The following ABCC9 variants were observed in gnomAD, a reference collection of about 807,000 sequenced individuals.
The protein encoded by ABCC9 is ATP-binding cassette sub-family C member 9.
In ABCC9, 95 loss-of-function variants were observed where a neutral mutation model predicts 188.3. The observed-to-expected ratio is 0.50, with a 90% CI of 0.43 to 0.60. The LOEUF (loss-of-function observed/expected upper bound fraction) is 0.60, where lower values mean the gene tolerates loss of function less well. Among genes scored for constraint, ABCC9 ranks in the 20% least tolerant of loss-of-function variants. ABCC9 has a pLI of 0.00. For missense variants in ABCC9, 1,102 were observed against 1,876.3 expected, an observed-to-expected ratio of 0.59 and a Z score of 7.62; for synonymous variants, 659 against 652.7, an observed-to-expected ratio of 1.01 and a Z score of -0.15.
In ABCC9 at chr12:21,845,600, T is replaced by C. The variant is rs751828985; in HGVS notation, c.3096+3A>G. The C allele has an allele frequency of 3.7e-6, 6 of 1,612,174 alleles. No individual in the cohort carries two copies. The South Asian group carries it at 5.5e-5, about 15-fold the overall frequency. On this transcript the variant is annotated splice_donor_region_variant and intron_variant, in intron 26 of 39. Coordinates refer to ENST00000261200, the MANE Select transcript of ABCC9 (RefSeq NM_020297.4). ...TTTAAAAACAAAACCGAACCAATTGTACCTGATCAGCTTTTCCAGTATTGT... is the reference window on the plus strand; with the variant it reads ...TTTAAAAACAAAACCGAACCAATTGCACCTGATCAGCTTTTCCAGTATTGT...
chr12:21,802,839 G>T (rs148364878), intron 39 of ABCC9, among the ~76,000 whole-genome samples: 3 of 152,052 alleles, frequency 2.0e-5, no homozygotes, highest in Admixed American at 6.6e-5. Flanking sequence ...CCTACATTCT[G>T]CCCTGGGCCA....
At chr12:21,814,769 C>G (rs773138429) in intron 34 of ABCC9, 47 bp from the exon 35 acceptor site, 1 of 1,506,038 alleles carries the variant, frequency 6.6e-7, no homozygotes, top group Non-Finnish European at 9.2e-7. Context: ...CAGAAAAGGA[C>G]AGAAGATTAG....
intron 21 of ABCC9, among the ~76,000 whole-genome samples, chr12:21,860,681 C>G (rs890152633): frequency 6.6e-6 from 1 of 152,162 alleles, no homozygotes; most frequent in Non-Finnish European, 1.5e-5. Flanking sequence ...GCAAGCTCCA[C>G]GTAAGCAAAA....
intron 14 of ABCC9, among the ~76,000 whole-genome samples, chr12:21,890,878 A>T (rs1431040019): frequency 6.6e-6 from 1 of 152,008 alleles, no homozygotes; most frequent in African/African-American, 2.4e-5. Context: ...CTAAATGACG[A>T]GTTAATGGGT....
Position 21,844,888 on chromosome 12 carries a change from G to A in ABCC9, c.3124C>T (p.Leu1042Phe). The A allele has an allele frequency of 6.2e-7, 1 of 1,613,838 alleles. No homozygotes were observed. ...CAAAGGAAAATGCCTGCTCCACAGAGTATGCTAAAGCCAGCCACATAGTAG... is the reference window on the plus strand; with the variant it reads ...CAAAGGAAAATGCCTGCTCCACAGAATATGCTAAAGCCAGCCACATAGTAG... ...QTYYVAGFSI[L>F]CGAGIFLCLV... The change falls in exon 27 of 40, where the codon CTC becomes TTC. Residue 1042 changes from leucine (L) to phenylalanine (F), a missense_variant. Transcript: ENST00000261200.
chr12:21,863,691 T>C (rs1945642142), intron 19 of ABCC9, among the ~76,000 whole-genome samples: 1 of 152,166 alleles, frequency 6.6e-6, no homozygotes, highest in Middle Eastern at 3.2e-3. Context: ...ACCAGATGTC[T>C]ATACATCAGA....
chr12:21,871,972 T>C (rs1946106941), intron 18 of ABCC9, among the ~76,000 whole-genome samples: 2 of 152,220 alleles, frequency 1.3e-5, no homozygotes, highest in South Asian at 2.1e-4. Context: ...TATTAACCAA[T>C]TATGTAACAT....
At chr12:21,887,682 T>C (rs1226081462) in intron 15 of ABCC9, 144 bp downstream of exon 15, 1 of 675,120 alleles carries the variant, frequency 1.5e-6, no homozygotes, top group Non-Finnish European at 2.7e-6. Context: ...ACTTGTGAGG[T>C]TGTAGAGAAG....
Position 21,872,734 on chromosome 12 carries a change from G to A in ABCC9, c.2093-4C>T, listed in dbSNP as rs750142160. 1 of 1,604,372 alleles carries A rather than the reference G, an allele frequency of 6.2e-7. No individual in the cohort carries two copies. Among genetic ancestry groups the A allele is most frequent in the South Asian group, 1.1e-5 (1 of 90,868 alleles). On this transcript the variant is annotated splice_polypyrimidine_tract_variant and splice_region_variant and intron_variant, in intron 17 of 39. Transcript: ENST00000261200. ...CCCACAATCATGGTTAACTGACCTA[G>A]GAAAGCAAAACAAAGGATAACTACA...
intron 5 of ABCC9, among the ~76,000 whole-genome samples, chr12:21,921,835 T>C (rs1203119677): frequency 6.6e-6 from 1 of 152,094 alleles, no homozygotes; most frequent in African/African-American, 2.4e-5. Context: ...GACTGTCCTT[T>C]CCTCAGTGTA....
At chr12:21,853,915 A>G (rs992830692) in intron 22 of ABCC9, among the ~76,000 whole-genome samples, 1 of 152,174 alleles carries the variant, frequency 6.6e-6, no homozygotes, top group Non-Finnish European at 1.5e-5. Context: ...GAGTTAATGG[A>G]ACAGTGGGAA....
At chr12:21,841,236 A>G (rs1944370116) in intron 29 of ABCC9, among the ~76,000 whole-genome samples, 3 of 151,906 alleles carry the variant, frequency 2.0e-5, no homozygotes. Flanking sequence ...ATTATATTTC[A>G]TTTATTCAAC....
chr12:21,836,091 C>T (rs970289952), intron 30 of ABCC9, among the ~76,000 whole-genome samples: 1 of 152,144 alleles, frequency 6.6e-6, no homozygotes, highest in Non-Finnish European at 1.5e-5. Flanking sequence ...CTTTCTCTCC[C>T]GGTCCTTAGT....
At position 21,845,708 on chromosome 12, in the gene ABCC9, C is replaced by T. The variant is rs1464981490; in HGVS notation, c.2991G>A (p.Met997Ile). ...TSGGFFLLIL[M>I]IFSKLLKHSV... is the part of the protein sequence containing the mutation. Reference sequence around the variant, plus strand: ...AATGCTTCAAAAGCTTAGAGAAAATCATCAGGATGAGCAGGAAGAATCCTC... The same window carrying T: ...AATGCTTCAAAAGCTTAGAGAAAATTATCAGGATGAGCAGGAAGAATCCTC... Residue 997 changes from methionine to isoleucine, a missense_variant, in exon 26 of 40, where the codon ATG (methionine) becomes ATA (isoleucine). Physicochemically the swap from Met to Ile is conservative, Grantham distance 10 (BLOSUM62 1). This residue lies in a region of ABCC9 where 74 missense variants were observed against 132.7 expected (regional missense o/e 0.56). Coordinates refer to ENST00000261200, the MANE Select transcript of ABCC9 (RefSeq NM_020297.4). 3 of 1,613,856 alleles carry T rather than the reference C, an allele frequency of 1.9e-6. No individual in the cohort carries two copies. Among genetic ancestry groups the T allele is most frequent in the East Asian group, 4.5e-5 (2 of 44,856 alleles).
chr12:21,831,055 ATTT>A (rs200013400), intron 30 of ABCC9: 4 of 134,082 alleles, frequency 3.0e-5, no homozygotes, highest in Admixed American at 7.5e-5. Flanking sequence ...CGCAAGGCTC[ATTT>A]TTTTTTTTTT....
intron 31 of ABCC9, among the ~76,000 whole-genome samples, chr12:21,819,942 A>G (rs1435924860): frequency 6.6e-6 from 1 of 152,120 alleles, no homozygotes; most frequent in Non-Finnish European, 1.5e-5. Context: ...CCACACCCCT[A>G]CTAGACTGTT....
intron 36 of ABCC9, among the ~76,000 whole-genome samples, chr12:21,810,490 A>G (rs2137137489): frequency 6.6e-6 from 1 of 152,288 alleles, no homozygotes; most frequent in Middle Eastern, 3.4e-3. Context: ...GAAACTTACA[A>G]TCATGGTAGA....
intron 12 of ABCC9, among the ~76,000 whole-genome samples, chr12:21,901,739 A>G (rs914495626): frequency 2.0e-5 from 3 of 152,238 alleles, no homozygotes; most frequent in African/African-American, 7.2e-5. Flanking sequence ...GGATCAACTC[A>G]ACAAGAAGAG....
intron 21 of ABCC9, among the ~76,000 whole-genome samples, chr12:21,860,409 A>G (rs941211325): frequency 6.6e-6 from 1 of 152,228 alleles, no homozygotes; most frequent in Non-Finnish European, 1.5e-5. Flanking sequence ...GCAGATAACG[A>G]TAACACCCAT....
Sources: gnomAD v4.1 joint callset for allele counts (sites outside exome capture counted in the v4.1 genomes callset) on GRCh38, gnomAD v4.1.1 for gene constraint, gnomAD v4.1.1 regional missense constraint, MANE v1.5 for transcripts, NCBI Gene and HGNC (gene_info 2026-07-23, HGNC 2026-07-21) for gene names.